The following ZMAT2 variants were observed in gnomAD, a reference collection of about 807,000 sequenced individuals.
The protein encoded by ZMAT2 is zinc finger matrin-type 2.
Under a neutral mutation model 27.5 loss-of-function variants are expected in ZMAT2, and 5 were observed. The observed-to-expected ratio is 0.18, with a 90% CI of 0.10 to 0.38. The LOEUF is 0.38. Ranked by LOEUF, ZMAT2 falls within the 10% of genes least tolerant of loss-of-function variation. The probability of loss-of-function intolerance (pLI) is 1.00; values close to 1 mark genes in which losing one functional copy is unlikely to be tolerated. For missense variants in ZMAT2, 124 were observed against 243.9 expected, an observed-to-expected ratio of 0.51 and a Z score of 3.27; for synonymous variants, 76 against 78.6, an observed-to-expected ratio of 0.97 and a Z score of 0.17.
chr5:140,702,086 A>G lies in ZMAT2; in HGVS notation c.193A>G (p.Thr65Ala). ...KVDLESKLGK[T>A]IVITKTTPQS... The stretch of plus-strand genomic sequence containing the variant: ...GGACTTGGAATCCAAGCTTGGGAAG[A>G]CAATTGTCATTACCAAGACAACCCC... Residue 65 changes from threonine to alanine, a missense_variant, in exon 3 of 6, where the codon ACA becomes GCA. Thr to Ala is a moderately conservative substitution (Grantham distance 58). Transcript: ENST00000274712. 6.2e-7 allele frequency: 1 copy of G among 1,613,762 alleles called. No individual in the cohort carries two copies. The highest frequency in any genetic ancestry group is 8.5e-7 in the Non-Finnish European group (1 of 1,179,836).
chr5:140,703,341 A>G (rs751088687), intron 3 of ZMAT2, among the ~76,000 whole-genome samples: 3 of 151,332 alleles, frequency 2.0e-5, no homozygotes, highest in Non-Finnish European at 4.4e-5. Flanking sequence ...CCTGGGTTCA[A>G]GCGATTCTCC....
At chr5:140,700,553 T>A (rs1429928336) in intron 1 of ZMAT2, 75 bp downstream of exon 1, 3 of 1,604,282 alleles carry the variant, frequency 1.9e-6, no homozygotes, top group Admixed American at 3.4e-5. Flanking sequence ...GACAAACTCC[T>A]GCACCCGACT....
chr5:140,702,235 C>T, intron 3 of ZMAT2, 106 bp downstream of exon 3: 1 of 1,363,606 alleles, frequency 7.3e-7, no homozygotes, highest in Non-Finnish European at 1.0e-6. Flanking sequence ...AGGATTACGT[C>T]CTTCTTGCCT....
At chr5:140,701,966 C>T (rs1270295505) in intron 2 of ZMAT2, 40 bp from the exon 3 acceptor site, 2 of 1,570,406 alleles carry the variant, frequency 1.3e-6, no homozygotes, top group Non-Finnish European at 1.7e-6. Flanking sequence ...GGTTGAGGAA[C>T]TATAATATTG....
intron 4 of ZMAT2, 72 bp downstream of exon 4, chr5:140,704,063 CT>C (rs1263756624): frequency 7.6e-5 from 103 of 1,353,404 alleles, no homozygotes; most frequent in Non-Finnish European, 9.1e-5. Context: ...GGAAGGGTAG[CT>C]TTTTTTTTCT....
At chr5:140,700,535 T>C (rs1364421334) in intron 1 of ZMAT2, 57 bp downstream of exon 1, 9 of 1,611,144 alleles carry the variant, frequency 5.6e-6, no homozygotes, top group East Asian at 4.5e-5. Context: ...TTTTCAGACC[T>C]GAATAGAGAC....
intron 2 of ZMAT2, among the ~76,000 whole-genome samples, chr5:140,701,585 G>A (rs1036612162): frequency 1.3e-5 from 2 of 152,100 alleles, no homozygotes; most frequent in Non-Finnish European, 2.9e-5. Context: ...CATGTAACAG[G>A]CATTTCCTAG....
chr5:140,700,717 T>G, intron 1 of ZMAT2, 102 bp from the exon 2 acceptor site: 1 of 1,412,262 alleles, frequency 7.1e-7, no homozygotes, highest in Non-Finnish European at 9.8e-7. Context: ...AGGCTTTGCT[T>G]TCAAAACGTC....
chr5:140,702,218 T>C lies in ZMAT2; in HGVS notation c.236+89T>C, dbSNP rs1287583170. The C allele has an allele frequency of 3.3e-6, 5 of 1,504,858 alleles. No homozygotes were observed. In the African/African-American group the frequency reaches 5.6e-5, roughly 17 times the overall value. 93.2% of individuals were successfully genotyped at this position (1,504,858 alleles called of 1,614,324 possible). ...TTTAGGAAGTGTTAAGGAAGGTCCT[T>C]GGCCCCAGGATTACGTCCTTCTTGC... On this transcript the variant is annotated intron_variant, in intron 3 of 5. Coordinates refer to ENST00000274712, the MANE Select transcript of ZMAT2 (RefSeq NM_144723.3).
rs1266558217 is a variant in ZMAT2 at position 140,706,440 on chromosome 5, T to C, written c.*684T>C. 1 of 152,542 alleles carries C rather than the reference T, an allele frequency of 6.6e-6. No homozygotes were observed. The highest frequency in any genetic ancestry group is 1.5e-5 in the Non-Finnish European group (1 of 68,016). 9.4% of individuals were successfully genotyped at this position (152,542 alleles called of 1,614,324 possible). The stretch of plus-strand genomic sequence containing the variant: ...TTTGGTGTGGTTTGTGTCTGATGAG[T>C]TTTTTAACATTCAGGTGTAGATTGT... On this transcript the variant is annotated 3_prime_UTR_variant, in exon 6 of 6. Coordinates refer to ENST00000274712, the MANE Select transcript of ZMAT2 (RefSeq NM_144723.3).
At position 140,702,118 on chromosome 5, in the gene ZMAT2, T is replaced by G; in HGVS notation, c.225T>G (p.Ser75=). ...TCATTACCAAGACAACCCCTCAATC[T>G]GAGATGGGAGGGTGAGTTGCTTATC... ...TIVITKTTPQ[S]EMGGYYCNVC... is the part of the protein sequence containing the mutation. The change falls in exon 3 of 6, where the codon TCT becomes TCG. Residue 75 remains serine (S), a synonymous_variant. Coordinates refer to ENST00000274712, the MANE Select transcript of ZMAT2 (RefSeq NM_144723.3). 6.2e-7 allele frequency: 1 copy of G among 1,612,266 alleles called. No homozygotes were observed. The highest frequency in any genetic ancestry group is 2.2e-5 in the East Asian group (1 of 44,826).
chr5:140,705,814 G>A lies in ZMAT2; in HGVS notation c.*58G>A, dbSNP rs1161057187. 1 of 1,584,276 alleles carries A rather than the reference G, an allele frequency of 6.3e-7. No individual in the cohort carries two copies. Among genetic ancestry groups the A allele is most frequent in the African/African-American group, 1.4e-5 (1 of 73,194 alleles). On this transcript the variant is annotated 3_prime_UTR_variant, in exon 6 of 6. Coordinates refer to ENST00000274712, the MANE Select transcript of ZMAT2 (RefSeq NM_144723.3). ...GCTGGACCTAACTTTGCGTGTGTGT[G>A]TGTGTAGTAGGGGGTCATTTCTTTT...
rs759427937 is a variant in ZMAT2 at position 140,700,493 on chromosome 5, TGAG to T, written c.18+23_18+25del. 11 of 1,612,884 alleles carry T rather than the reference TGAG, an allele frequency of 6.8e-6. No individual in the cohort carries two copies. The highest frequency in any genetic ancestry group is 1.9e-4 in the Middle Eastern group (1 of 5,246). On this transcript the variant is annotated intron_variant, in intron 1 of 5. Transcript: ENST00000274712. ...CGGGCAGCGGGGTAGGTGTTGTGTC[TGAG>T]GAGGAGGTTTTGCGGGGTGGGGAAT...
chr5:140,704,105 A>C (rs1760009930), intron 4 of ZMAT2, 114 bp downstream of exon 4: 1 of 1,013,902 alleles, frequency 9.9e-7, no homozygotes, highest in Admixed American at 2.1e-5. Context: ...TGGCTGGAGT[A>C]AGAAGGGTAG....
chr5:140,701,772 A>G (rs778657604), intron 2 of ZMAT2, among the ~76,000 whole-genome samples: 2 of 152,192 alleles, frequency 1.3e-5, no homozygotes, highest in Non-Finnish European at 2.9e-5. Flanking sequence ...TATAAAACAT[A>G]CTGTTTTTAG....
chr5:140,701,454 A>C (rs1335645018), intron 2 of ZMAT2, among the ~76,000 whole-genome samples: 4 of 152,164 alleles, frequency 2.6e-5, no homozygotes, highest in African/African-American at 4.8e-5. Context: ...TGCATAAAGA[A>C]ATGTTTTATT....
chr5:140,706,000 C>A lies in ZMAT2; in HGVS notation c.*244C>A. 1 of 426,884 alleles carries A rather than the reference C, an allele frequency of 2.3e-6. No homozygotes were observed. The highest frequency in any genetic ancestry group is 4.0e-6 in the Non-Finnish European group (1 of 248,238). 26.4% of individuals were successfully genotyped at this position (426,884 alleles called of 1,614,324 possible). A position where few individuals can be genotyped will look rare whatever the true frequency, so the allele number is the denominator to read the frequency against. Reference sequence around the variant, plus strand: ...ACTGGAGTCACAGGACCCTGCCCACCTGAGTTCCCAATAAAGAAAAACCTC... The same window carrying A: ...ACTGGAGTCACAGGACCCTGCCCACATGAGTTCCCAATAAAGAAAAACCTC... On this transcript the variant is annotated 3_prime_UTR_variant, in exon 6 of 6. Coordinates refer to ENST00000274712, the MANE Select transcript of ZMAT2 (RefSeq NM_144723.3).
chr5:140,705,317 A>ATTT (rs35355544), intron 5 of ZMAT2, among the ~76,000 whole-genome samples: 1 of 145,480 alleles, frequency 6.9e-6, no homozygotes, highest in Admixed American at 6.9e-5. Context: ...CTCCCCCATA[A>ATTT]TTTTTTTTTT....
chr5:140,704,129 C>G, intron 4 of ZMAT2, 138 bp downstream of exon 4: 4 of 791,680 alleles, frequency 5.1e-6, no homozygotes, highest in South Asian at 1.7e-5. Flanking sequence ...CTACTGGGCT[C>G]TTTTTTGATG....
Sources: gnomAD v4.1 joint callset for allele counts (sites outside exome capture counted in the v4.1 genomes callset) on GRCh38, gnomAD v4.1.1 for gene constraint, MANE v1.5 for transcripts, NCBI Gene and HGNC (gene_info 2026-07-23, HGNC 2026-07-21) for gene names.